The following PREX2 variants were observed in gnomAD, a reference collection of about 807,000 sequenced individuals.
PREX2 encodes phosphatidylinositol-3,4,5-trisphosphate dependent Rac exchange factor 2.
Under a neutral mutation model 203.2 loss-of-function variants are expected in PREX2, and 107 were observed. The observed-to-expected ratio is 0.53, with a 90% confidence interval of 0.45 to 0.62. The LOEUF (loss-of-function observed/expected upper bound fraction) is 0.62. Ranked by LOEUF, PREX2 falls within the 20% of genes least tolerant of loss-of-function variation. PREX2 has a pLI of 0.00. For missense variants in PREX2, 1,777 were observed against 1,955.9 expected, an observed-to-expected ratio of 0.91 and a Z score of 1.72; for synonymous variants, 672 against 663.6, an observed-to-expected ratio of 1.01 and a Z score of -0.19.
intron 15 of PREX2, 94 bp downstream of exon 15, chr8:68,077,563 G>A (rs1187905541): frequency 1.1e-5 from 10 of 932,206 alleles, no homozygotes; most frequent in African/African-American, 1.6e-5. Flanking sequence ...AGGTCATTTA[G>A]GGATGAGCCA....
intron 1 of PREX2, among the ~76,000 whole-genome samples, chr8:67,974,296 T>C (rs1439315415): frequency 6.6e-6 from 1 of 152,068 alleles, no homozygotes; most frequent in East Asian, 1.9e-4. Context: ...AGTATCTTGG[T>C]TGAGAAGAAA....
At chr8:68,044,632 T>C (rs775195152) in intron 8 of PREX2, 42 bp downstream of exon 8, 4 of 1,339,642 alleles carry the variant, frequency 3.0e-6, no homozygotes, top group East Asian at 4.6e-5. Context: ...CAATAGTAAA[T>C]AGAAAACTCC....
chr8:68,099,770 T>A lies in PREX2; in HGVS notation c.2642T>A (p.Leu881His). The change falls in exon 23 of 40, where the codon CTT becomes CAT. Residue 881 changes from leucine (L) to histidine (H), a missense_variant. Transcript: ENST00000288368. The part of the protein sequence containing the change: ...NSLNEVIPTD[L>H]QSKFSALCSE... Reference sequence around the variant, plus strand: ...CTAAATGAAGTGATTCCTACTGACCTTCAGAGTAAATTCAGTGCCCTTTGC... The same window carrying A: ...CTAAATGAAGTGATTCCTACTGACCATCAGAGTAAATTCAGTGCCCTTTGC... 6.2e-7 allele frequency: 1 copy of A among 1,613,732 alleles called. No homozygotes were observed.
At position 68,030,647 on chromosome 8, in the gene PREX2, G is replaced by A; in HGVS notation, c.694G>A (p.Glu232Lys). 6.2e-7 allele frequency: 1 copy of A among 1,613,520 alleles called. No individual in the cohort carries two copies. Among genetic ancestry groups the A allele is most frequent in the Admixed American group, 1.7e-5 (1 of 59,992 alleles). ...TTTAGAGGAATGGCAGTCTCACATT[G>A]AAGGCTGGGAGGTACATTCACTTTG... ...EVLEEWQSHI[E>K]GWEGSNITDT... Residue 232 changes from glutamate to lysine, a missense_variant, in exon 6 of 40, where the codon GAA (glutamate) becomes AAA (lysine). Transcript: ENST00000288368.
At chr8:68,013,302 A>C (rs545081069) in intron 1 of PREX2, among the ~76,000 whole-genome samples, 36 of 152,058 alleles carry the variant, frequency 2.4e-4, no homozygotes, top group African/African-American at 6.0e-4. Context: ...TTTTTTCTCT[A>C]TATATATGCT....
intron 23 of PREX2, chr8:68,105,943 T>C (rs1810400947): frequency 6.1e-6 from 1 of 163,688 alleles, no homozygotes. Flanking sequence ...TTACTTTTAA[T>C]GGCAAAAACC....
intron 1 of PREX2, among the ~76,000 whole-genome samples, chr8:67,979,064 TA>T (rs1326248084): frequency 1.3e-5 from 2 of 152,200 alleles, no homozygotes; most frequent in Non-Finnish European, 2.9e-5. Flanking sequence ...TGCTCAGAGC[TA>T]TTGTTTTGCA....
chr8:68,055,862 G>A lies in PREX2; in HGVS notation c.1126G>A (p.Val376Ile), dbSNP rs1441197477. The A allele has an allele frequency of 6.2e-7, 1 of 1,613,442 alleles. No individual in the cohort carries two copies. The highest frequency in any genetic ancestry group is 1.1e-5 in the South Asian group (1 of 90,926). The change falls in exon 10 of 40, where the codon GTC becomes ATC. Residue 376 changes from valine (V) to isoleucine (I), a missense_variant. Coordinates refer to ENST00000288368, the MANE Select transcript of PREX2 (RefSeq NM_024870.4). ...LKLGMEQDTW[V>I]MISEQGEKLY... The stretch of plus-strand genomic sequence containing the variant: ...ATTAGGAATGGAGCAAGATACCTGG[G>A]TCATGATCTCTGAACAGGGTGAGAA...
intron 37 of PREX2, among the ~76,000 whole-genome samples, chr8:68,194,322 T>C (rs1300755997): frequency 1.3e-5 from 2 of 152,016 alleles, no homozygotes; most frequent in Non-Finnish European, 2.9e-5. Context: ...AATAAATATG[T>C]AATGTGGCAA....
At chr8:68,054,123 A>G (rs1808604796) in intron 9 of PREX2, among the ~76,000 whole-genome samples, 1 of 152,208 alleles carries the variant, frequency 6.6e-6, no homozygotes, top group Non-Finnish European at 1.5e-5. Context: ...AGAATATGCA[A>G]CATTGCTACC....
chr8:68,222,026 T>G (rs1812963999), intron 38 of PREX2, among the ~76,000 whole-genome samples: 1 of 152,200 alleles, frequency 6.6e-6, no homozygotes, highest in Admixed American at 6.5e-5. Flanking sequence ...GAATCTGGAA[T>G]GAACCCTATG....
At chr8:68,001,121 C>G (rs1386308498) in intron 1 of PREX2, among the ~76,000 whole-genome samples, 1 of 152,148 alleles carries the variant, frequency 6.6e-6, no homozygotes, top group Admixed American at 6.5e-5. Context: ...AACTTAAGAG[C>G]TTCTTCACAG....
intron 1 of PREX2, among the ~76,000 whole-genome samples, chr8:67,974,912 T>G (rs1806030930): frequency 6.6e-6 from 1 of 152,192 alleles, no homozygotes; most frequent in African/African-American, 2.4e-5. Context: ...TGGACAGTTT[T>G]TGTGTGCACA....
intron 1 of PREX2, among the ~76,000 whole-genome samples, chr8:67,987,722 G>A (rs1433557061): frequency 6.6e-6 from 1 of 152,152 alleles, no homozygotes; most frequent in Non-Finnish European, 1.5e-5. Context: ...TGCTGAAGCC[G>A]TTCTCGGTCT....
chr8:68,058,749 T>C (rs1351813418), intron 10 of PREX2, among the ~76,000 whole-genome samples: 1 of 152,146 alleles, frequency 6.6e-6, no homozygotes, highest in Non-Finnish European at 1.5e-5. Flanking sequence ...ATTCTTAATA[T>C]TATCTCTGTG....
At chr8:68,026,749 GA>G (rs1446309769) in intron 4 of PREX2, among the ~76,000 whole-genome samples, 1 of 152,066 alleles carries the variant, frequency 6.6e-6, no homozygotes, top group East Asian at 1.9e-4. Flanking sequence ...TTATGGAGAG[GA>G]AAACTAGAAT....
chr8:68,168,878 G>C (rs1364205009), intron 35 of PREX2, among the ~76,000 whole-genome samples: 2 of 148,948 alleles, frequency 1.3e-5, no homozygotes, highest in Admixed American at 6.7e-5. Flanking sequence ...AAAGTAATTT[G>C]TTTACTTACT....
At chr8:68,038,376 C>T (rs1174645807) in intron 7 of PREX2, 84 bp downstream of exon 7, 4 of 1,379,450 alleles carry the variant, frequency 2.9e-6, no homozygotes, top group South Asian at 1.3e-5. Context: ...ATCTATCCAG[C>T]TCACAGTTTC....
At chr8:68,092,223 C>T (rs1227282337) in intron 20 of PREX2, among the ~76,000 whole-genome samples, 1 of 152,060 alleles carries the variant, frequency 6.6e-6, no homozygotes, top group Admixed American at 6.5e-5. Flanking sequence ...TGCTAGTATC[C>T]CTTTGGACAA....
Sources: gnomAD v4.1 joint callset for allele counts (sites outside exome capture counted in the v4.1 genomes callset) on GRCh38, gnomAD v4.1.1 for gene constraint, MANE v1.5 for transcripts, NCBI Gene and HGNC (gene_info 2026-07-23, HGNC 2026-07-21) for gene names.